PDGFRB: variants seen among roughly 807,000 people sequenced by gnomAD.
PDGFRB encodes platelet-derived growth factor receptor beta.
PDGFRB carries 42 observed loss-of-function variants against 120.2 expected under a neutral mutation model. The ratio of observed to expected loss-of-function variants is 0.35; its 90% CI spans 0.27 to 0.45. The LOEUF (loss-of-function observed/expected upper bound fraction) is 0.45, where lower values mean the gene tolerates loss of function less well. Among genes scored for constraint, PDGFRB ranks in the 20% least tolerant of loss-of-function variants. The probability of loss-of-function intolerance (pLI) is 1.00; values close to 1 mark genes in which losing one functional copy is unlikely to be tolerated. For synonymous variants in PDGFRB, 586 were observed against 606.8 expected, an observed-to-expected ratio of 0.97 and a Z score of 0.50; for missense variants, 1,149 against 1,476.3, an observed-to-expected ratio of 0.78 and a Z score of 3.63.
chr5:150,144,146 C>G (rs1181825571), intron 1 of PDGFRB, among the ~76,000 whole-genome samples: 1 of 152,160 alleles, frequency 6.6e-6, no homozygotes, highest in Non-Finnish European at 1.5e-5. Context: ...TCCTCCAGCA[C>G]AGGCTCGGCT....
chr5:150,140,777 G>T (rs898449487), intron 1 of PDGFRB, among the ~76,000 whole-genome samples: 1 of 152,162 alleles, frequency 6.6e-6, no homozygotes, highest in African/African-American at 2.4e-5. Flanking sequence ...AAGTCCAGGG[G>T]AGAGGAGTGG....
intron 22 of PDGFRB, 45 bp from the exon 23 acceptor site, chr5:150,115,991 G>A (rs1454897447): frequency 6.6e-7 from 1 of 1,524,084 alleles, no homozygotes; most frequent in South Asian, 1.2e-5. Context: ...AGGAGCCCAG[G>A]AGGATTCCAG....
In PDGFRB at chr5:150,135,686, T is replaced by A. The variant is rs1436552710; in HGVS notation, c.233A>T (p.Asp78Val). The change falls in exon 3 of 23, where the codon GAT (aspartate) becomes GTT (valine). Residue 78 changes from aspartate to valine, a missense_variant. Asp to Val is a radical substitution (Grantham distance 152). Around this residue, in one of 3 missense-constraint regions of PDGFRB, gnomAD observed 879 missense variants for 1,108.6 expected, o/e 0.79. Transcript: ENST00000261799. ...TGTGAGCACGCTGGAGAAGGTGCCA[T>A]CCTGGGCCTTGGCCATTTCCTGTGG... ...EPPQEMAKAQDGTFSSVLTLT... is the reference protein window; with the variant it reads ...EPPQEMAKAQVGTFSSVLTLT... The A allele has an allele frequency of 1.2e-6, 2 of 1,613,976 alleles. No homozygotes were observed. Among genetic ancestry groups the A allele is most frequent in the Non-Finnish European group, 1.7e-6 (2 of 1,179,970 alleles).
At chr5:150,123,521 T>C (rs1407571406) in intron 14 of PDGFRB, among the ~76,000 whole-genome samples, 1 of 152,192 alleles carries the variant, frequency 6.6e-6, no homozygotes, top group Non-Finnish European at 1.5e-5. Context: ...TATTGATATG[T>C]TTTCAAACTA....
At chr5:150,144,897 G>A (rs1158161276) in intron 1 of PDGFRB, among the ~76,000 whole-genome samples, 2 of 147,030 alleles carry the variant, frequency 1.4e-5, no homozygotes, top group East Asian at 2.2e-4. Flanking sequence ...CACCCACCCC[G>A]GCCCCATCTG....
In PDGFRB at chr5:150,135,636, T is replaced by A; in HGVS notation, c.283A>T (p.Thr95Ser). Residue 95 changes from threonine to serine, a missense_variant, in exon 3 of 23, where the codon ACG becomes TCG. Around this residue, in one of 3 missense-constraint regions of PDGFRB, gnomAD observed 879 missense variants for 1,108.6 expected, o/e 0.79. Coordinates refer to ENST00000261799, the MANE Select transcript of PDGFRB (RefSeq NM_002609.4). The stretch of plus-strand genomic sequence containing the variant: ...TTGTGGGTGCAAAAGTATTCTCCCG[T>A]GTCTAGCCCAGTGAGGTTGGTCAGT... ...LTLTNLTGLD[T>S]GEYFCTHNDS... 6.2e-7 allele frequency: 1 copy of A among 1,613,940 alleles called. No homozygotes were observed. The highest frequency in any genetic ancestry group is 8.5e-7 in the Non-Finnish European group (1 of 1,179,828).
intron 1 of PDGFRB, among the ~76,000 whole-genome samples, chr5:150,143,238 C>T (rs753407176): frequency 1.2e-4 from 18 of 152,252 alleles, no homozygotes; most frequent in Non-Finnish European, 2.5e-4. Context: ...TGTTTTTGGA[C>T]CACAGTTGAT....
chr5:150,131,979 C>G lies in PDGFRB; in HGVS notation c.1243G>C (p.Val415Leu). The change falls in exon 8 of 23, where the codon GTC (valine) becomes CTC (leucine). Residue 415 changes from valine (V) to leucine (L), a missense_variant and splice_region_variant. Physicochemically the swap from Val to Leu is conservative, Grantham distance 32. Around this residue, in one of 3 missense-constraint regions of PDGFRB, gnomAD observed 879 missense variants for 1,108.6 expected, o/e 0.79. Coordinates refer to ENST00000261799, the MANE Select transcript of PDGFRB (RefSeq NM_002609.4). The stretch of plus-strand genomic sequence containing the variant: ...ACATGGCGAGGGGCGTGCTCATCAC[C>G]ATTGATCTGTAGCTGGAAGGAGAGC... ...VQLSFQLQIN[V>L]PVRVLELSES... 1 of 1,515,300 alleles carries G rather than the reference C, an allele frequency of 6.6e-7. No individual in the cohort carries two copies. Among genetic ancestry groups the G allele is most frequent in the African/African-American group, 1.4e-5 (1 of 73,112 alleles). The allele number at this position is 1,515,300 out of a possible 1,614,324, so 93.9% of individuals were successfully genotyped here. A position where few individuals can be genotyped will look rare whatever the true frequency, so the allele number is the denominator to read the frequency against.
intron 13 of PDGFRB, 69 bp from the exon 14 acceptor site, chr5:150,124,429 C>G (rs1012811010): frequency 8.8e-7 from 1 of 1,130,580 alleles, no homozygotes; most frequent in Non-Finnish European, 1.3e-6. Context: ...CCACAGGAGC[C>G]TATTCTGACT....
At chr5:150,140,249 G>T (rs970292611) in intron 1 of PDGFRB, among the ~76,000 whole-genome samples, 6 of 152,276 alleles carry the variant, frequency 3.9e-5, no homozygotes, top group African/African-American at 1.4e-4. Flanking sequence ...TCCCAGGGAG[G>T]CCCAGGCAGC....
At chr5:150,142,506 G>A (rs1223098342) in intron 1 of PDGFRB, among the ~76,000 whole-genome samples, 1 of 152,194 alleles carries the variant, frequency 6.6e-6, no homozygotes, top group Non-Finnish European at 1.5e-5. Context: ...ACCCAGTCCA[G>A]TCTTCTGTTC....
At position 150,120,787 on chromosome 5, in the gene PDGFRB, A is replaced by T. The variant is rs1760105462; in HGVS notation, c.2586+101T>A. The T allele has an allele frequency of 2.7e-6, 3 of 1,128,748 alleles. No individual in the cohort carries two copies. Among genetic ancestry groups the T allele is most frequent in the Non-Finnish European group, 3.9e-6 (3 of 771,110 alleles). 69.9% of individuals were successfully genotyped at this position (1,128,748 alleles called of 1,614,324 possible). ...CAGGGCAGGCCACAAGGAGCCCCACACAGATTTCCTATGAGCTGCAGCCAC... is the reference window on the plus strand; with the variant it reads ...CAGGGCAGGCCACAAGGAGCCCCACTCAGATTTCCTATGAGCTGCAGCCAC... On this transcript the variant is annotated intron_variant, in intron 18 of 22. Transcript: ENST00000261799. This position sits in a 1 kb window ranked among gnomAD's most constrained non-coding sequence, Gnocchi z 4.3.
intron 1 of PDGFRB, among the ~76,000 whole-genome samples, chr5:150,144,689 C>T (rs1489088295): frequency 6.6e-6 from 1 of 152,202 alleles, no homozygotes. Flanking sequence ...CAGTGTGTGC[C>T]TCACGGCTGC....
Position 150,127,833 on chromosome 5 carries a change from TAAAAAAAA to T in PDGFRB, c.1580-1227_1580-1220del, listed in dbSNP as rs56899708. 3.3e-3 allele frequency among the ~76,000 whole-genome samples: 203 copies of T among 62,434 alleles called. 5 individuals carry two copies. Among genetic ancestry groups the T allele is most frequent in the African/African-American group, 0.014 (188 of 13,498 alleles). The allele number at this position is 62,434 out of a possible 152,430, so 41.0% of individuals were successfully genotyped here. On this transcript the variant is annotated intron_variant, in intron 10 of 22. Transcript: ENST00000261799. The stretch of plus-strand genomic sequence containing the variant: ...TGGGCAACAGAGCCAGACTCCATCT[TAAAAAAAA>T]AAAAAAAAAAAAAAAAAACTTTGGA...
In PDGFRB at chr5:150,115,962, A is replaced by G. The variant is rs1165288067; in HGVS notation, c.3138-16T>C. The G allele has an allele frequency of 6.4e-7, 1 of 1,552,350 alleles. No homozygotes were observed. The highest frequency in any genetic ancestry group is 8.7e-7 in the Non-Finnish European group (1 of 1,147,648). ...CAGGGTGGAGCTAGAGGAAAGAGGC[A>G]GTGAGTGAGGGGCTAGGAAGGAGCC... On this transcript the variant is annotated splice_polypyrimidine_tract_variant and intron_variant, in intron 22 of 22. Coordinates refer to ENST00000261799, the MANE Select transcript of PDGFRB (RefSeq NM_002609.4).
intron 20 of PDGFRB, among the ~76,000 whole-genome samples, chr5:150,119,105 A>C (rs1760053354): frequency 6.6e-6 from 1 of 152,200 alleles, no homozygotes; most frequent in African/African-American, 2.4e-5. Flanking sequence ...CTTCGCCAAC[A>C]GTTTTCAGCC....
At chr5:150,138,774 T>C (rs1462081828) in intron 1 of PDGFRB, among the ~76,000 whole-genome samples, 1 of 152,244 alleles carries the variant, frequency 6.6e-6, no homozygotes, top group Non-Finnish European at 1.5e-5. Flanking sequence ...GAGGCCCATC[T>C]GCCCCTCCGT....
intron 1 of PDGFRB, among the ~76,000 whole-genome samples, chr5:150,151,634 G>A (rs187408084): frequency 2.7e-4 from 41 of 152,168 alleles, no homozygotes; most frequent in African/African-American, 7.5e-4. Context: ...TGAGGCAGGC[G>A]GATCACTTGA....
At chr5:150,116,737 C>T (rs1045858864) in intron 22 of PDGFRB, among the ~76,000 whole-genome samples, 2 of 152,122 alleles carry the variant, frequency 1.3e-5, no homozygotes, top group Non-Finnish European at 2.9e-5. Flanking sequence ...GCTGTGTGAG[C>T]GCTGCACTTC....
Sources: gnomAD v4.1 joint callset for allele counts (sites outside exome capture counted in the v4.1 genomes callset) on GRCh38, gnomAD v4.1.1 for gene constraint, gnomAD v4.1.1 regional missense constraint, Gnocchi (gnomAD v3.1) non-coding constraint, MANE v1.5 for transcripts, NCBI Gene and HGNC (gene_info 2026-07-23, HGNC 2026-07-21) for gene names.